PM20D2: variants seen among roughly 807,000 people sequenced by gnomAD.
The protein encoded by PM20D2 is peptidase M20 domain containing 2, also known as xaa-Arg dipeptidase.
In PM20D2, 33 loss-of-function variants were observed where a neutral mutation model predicts 42.9. The observed-to-expected ratio is 0.77, with a 90% CI of 0.58 to 1.03. The LOEUF is 1.03. Among genes scored for constraint, PM20D2 ranks in the 50% least tolerant of loss-of-function variants. PM20D2 has a pLI of 0.00. For synonymous variants in PM20D2, 250 were observed against 228.2 expected (o/e 1.10, Z -0.86); for missense variants, 548 against 557.0 (o/e 0.98, Z 0.16).
At chr6:89,108,662 G>A in the PM20D2 span, among the ~76,000 whole-genome samples, 1 of 152,172 alleles carries the variant, frequency 6.6e-6, no homozygotes, top group Non-Finnish European at 1.5e-5. Context: ...AAAATTAGAA[G>A]AGAGCTAGAT....
chr6:89,158,540 G>T lies in PM20D2; in HGVS notation c.1048+80G>T. ...TTGGTTAAATTGGTTGTATTTAATG[G>T]TTTGGGAGGTCGGGAGGTACTACTG... is the stretch of plus-strand genomic sequence containing the variant. On this transcript the variant is annotated intron_variant, in intron 5 of 6. Coordinates refer to ENST00000275072, the MANE Select transcript of PM20D2 (RefSeq NM_001010853.3). 5 of 1,505,456 alleles carry T rather than the reference G, an allele frequency of 3.3e-6. No homozygotes were observed. The South Asian group carries it at 6.1e-5, about 19-fold the overall frequency. 93.3% of individuals were successfully genotyped at this position (1,505,456 alleles called of 1,614,324 possible). A position where few individuals can be genotyped will look rare whatever the true frequency, so the allele number is the denominator to read the frequency against.
chr6:89,101,540 G>A, the PM20D2 span, among the ~76,000 whole-genome samples: 1 of 152,072 alleles, frequency 6.6e-6, no homozygotes, highest in Non-Finnish European at 1.5e-5. Context: ...TGGCCAACAT[G>A]GAGAAACTCC....
the PM20D2 span, among the ~76,000 whole-genome samples, chr6:89,126,440 C>T: frequency 2.0e-5 from 3 of 151,598 alleles, no homozygotes; most frequent in Non-Finnish European, 4.4e-5. Flanking sequence ...AATCCTAGCA[C>T]TTTGGGAGAC....
chr6:89,117,712 G>A, the PM20D2 span: 3 of 1,104,064 alleles, frequency 2.7e-6, no homozygotes, highest in Middle Eastern at 3.2e-4. Context: ...GGCCCGCGGG[G>A]AGGCTCCGCG....
At chr6:89,151,474 C>T (rs1266517268) in intron 2 of PM20D2, among the ~76,000 whole-genome samples, 13 of 152,008 alleles carry the variant, frequency 8.6e-5, no homozygotes, top group Non-Finnish European at 1.9e-4. Context: ...GTGATCCACC[C>T]GCCTTGGCCT....
chr6:89,095,891 C>A, the PM20D2 span: 2 of 152,164 alleles, frequency 1.3e-5, no homozygotes, highest in African/African-American at 2.4e-5. Context: ...GTAGGTAGTA[C>A]CCCTGCACTA....
chr6:89,146,383 A>C lies in PM20D2; in HGVS notation c.239A>C (p.His80Pro). The C allele has an allele frequency of 6.5e-7, 1 of 1,535,318 alleles. No individual in the cohort carries two copies. Among genetic ancestry groups the C allele is most frequent in the East Asian group, 2.4e-5 (1 of 40,914 alleles). ...PPAASWAVQP[H>P]YQLPTAFRAE... ...GCGGCCTCCTGGGCAGTGCAGCCGC[A>C]CTACCAGCTGCCCACGGCCTTCCGC... The change falls in exon 1 of 7, where the codon CAC becomes CCC. Residue 80 changes from histidine to proline, a missense_variant. By Grantham distance (77) the His-to-Pro change is moderately conservative. Transcript: ENST00000275072.
chr6:89,105,063 T>A, the PM20D2 span: 1 of 1,504,020 alleles, frequency 6.6e-7, no homozygotes. Context: ...CAAAAAAATA[T>A]ATATCTATTT....
chr6:89,098,990 T>C, the PM20D2 span: 2 of 1,547,066 alleles, frequency 1.3e-6, no homozygotes, highest in Non-Finnish European at 8.7e-7. Flanking sequence ...TCACACAAAA[T>C]AAGAGATCAG....
the PM20D2 span, chr6:89,105,532 T>C: frequency 6.3e-7 from 1 of 1,594,476 alleles, no homozygotes; most frequent in South Asian, 1.2e-5. Context: ...TCTTCAAATA[T>C]GACTAGCTGT....
chr6:89,153,742 C>T (rs72917725), intron 3 of PM20D2, among the ~76,000 whole-genome samples: 2,897 of 152,120 alleles, frequency 0.019, 37 homozygotes, highest in Non-Finnish European at 0.032. Flanking sequence ...GGATTACAGG[C>T]AGGCAGACAC....
the PM20D2 span, among the ~76,000 whole-genome samples, chr6:89,107,583 C>A: frequency 6.6e-6 from 1 of 151,860 alleles, no homozygotes; most frequent in African/African-American, 2.4e-5. Flanking sequence ...ATACAAAAAT[C>A]AGCCAGGTGT....
chr6:89,131,480 G>C, the PM20D2 span, among the ~76,000 whole-genome samples: 1 of 151,948 alleles, frequency 6.6e-6, no homozygotes, highest in Admixed American at 6.6e-5. Context: ...TTCAGCTCAG[G>C]AGTACAAGAC....
At chr6:89,095,203 C>T in the PM20D2 span, among the ~76,000 whole-genome samples, 73 of 152,246 alleles carry the variant, frequency 4.8e-4, no homozygotes, top group Non-Finnish European at 1.0e-3. Context: ...GAAAACAAAT[C>T]TAATTTTTAA....
At chr6:89,142,000 T>TATTTTATTTTATTTTATTTTATTTTA (rs1770331818), upstream of PM20D2, among the ~76,000 whole-genome samples, 5 of 152,136 alleles carry the variant, frequency 3.3e-5, no homozygotes, top group South Asian at 2.1e-4. Flanking sequence ...TATTTTATTT[T>TATTTTATTTTATTTTATTTTATTTTA]TTGTAGAGTC....
the PM20D2 span, among the ~76,000 whole-genome samples, chr6:89,094,226 T>A: frequency 6.8e-6 from 1 of 148,074 alleles, no homozygotes; most frequent in Non-Finnish European, 1.5e-5. Context: ...GGCCTCTTTA[T>A]TTTTTTTTAT....
upstream of PM20D2, among the ~76,000 whole-genome samples, chr6:89,141,443 G>A (rs867443473): frequency 2.1e-4 from 32 of 151,938 alleles, no homozygotes; most frequent in African/African-American, 7.7e-4. Context: ...TTGGCTCACT[G>A]CAACCTCCAC....
At position 89,146,442 on chromosome 6, in the gene PM20D2, A is replaced by AGCGCC; in HGVS notation, c.299_303dup (p.Thr102AlafsTer41). 1 of 1,523,060 alleles carries AGCGCC rather than the reference A, an allele frequency of 6.6e-7. No homozygotes were observed. Among genetic ancestry groups the AGCGCC allele is most frequent in the Non-Finnish European group, 8.8e-7 (1 of 1,142,574 alleles). The allele number at this position is 1,523,060 out of a possible 1,614,324, so 94.3% of individuals were successfully genotyped here. A position where few individuals can be genotyped will look rare whatever the true frequency, so the allele number is the denominator to read the frequency against. On this transcript the variant is annotated frameshift_variant, in exon 1 of 7. Coordinates refer to ENST00000275072, the MANE Select transcript of PM20D2 (RefSeq NM_001010853.3). LOFTEE classifies it high-confidence loss of function. ...GGAGCCGCCGGAGGCCCGGGCACCG[A>AGCGCC]GCGCCACGCCACGCCCGCTGCACCT...
At chr6:89,132,341 C>T in the PM20D2 span, among the ~76,000 whole-genome samples, 2 of 144,956 alleles carry the variant, frequency 1.4e-5, no homozygotes, top group East Asian at 3.9e-4. Context: ...TTCACCTTCT[C>T]TCCAATAGGA....
Sources: allele counts gnomAD v4.1 joint callset (sites outside exome capture counted in the v4.1 genomes callset), GRCh38; gene constraint gnomAD v4.1.1; transcripts MANE v1.5; gene names NCBI Gene and HGNC (gene_info 2026-07-23, HGNC 2026-07-21).